The following CDH8 variants were observed in gnomAD, a reference collection of about 807,000 sequenced individuals.
CDH8 encodes cadherin-8.
In CDH8, 17 loss-of-function variants were observed where a neutral mutation model predicts 68.1. The observed-to-expected ratio is 0.25, with a 90% CI of 0.17 to 0.37. The LOEUF is 0.37. CDH8 is among the 10% of genes least tolerant of loss of function. CDH8 has a pLI of 1.00. For synonymous variants in CDH8, 372 were observed against 365.1 expected, an observed-to-expected ratio of 1.02 and a Z score of -0.21; for missense variants, 763 against 999.3, an observed-to-expected ratio of 0.76 and a Z score of 3.19.
At chr16:61,869,983 A>G (rs1047615338) in intron 3 of CDH8, among the ~76,000 whole-genome samples, 8 of 152,078 alleles carry the variant, frequency 5.3e-5, no homozygotes, top group Non-Finnish European at 1.2e-4. Context: ...CAGCTGCGAC[A>G]TTTTTCTTTT....
At chr16:61,816,071 T>A (rs550322379) in intron 7 of CDH8, among the ~76,000 whole-genome samples, 23 of 152,274 alleles carry the variant, frequency 1.5e-4, no homozygotes, top group African/African-American at 5.5e-4. Context: ...GTGAAATTTC[T>A]TTAGAACTGA....
Position 61,653,437 on chromosome 16 carries a change from T to C in CDH8, c.*171A>G, listed in dbSNP as rs998659159. ...AGATTTATAACCTCCTAACATATACTTTTTTATTTTATTATCTTTTTTTGG... is the reference window on the plus strand; with the variant it reads ...AGATTTATAACCTCCTAACATATACCTTTTTATTTTATTATCTTTTTTTGG... On this transcript the variant is annotated 3_prime_UTR_variant, in exon 12 of 12. Transcript: ENST00000577390. The C allele has an allele frequency of 7.1e-7, 1 of 1,414,740 alleles. No individual in the cohort carries two copies. The highest frequency in any genetic ancestry group is 9.2e-7 in the Non-Finnish European group (1 of 1,086,110). The allele number at this position is 1,414,740 out of a possible 1,614,324, so 87.6% of individuals were successfully genotyped here. A position where few individuals can be genotyped will look rare whatever the true frequency, so the allele number is the denominator to read the frequency against.
intron 8 of CDH8, among the ~76,000 whole-genome samples, chr16:61,756,340 A>G (rs1288700037): frequency 6.6e-6 from 1 of 152,166 alleles, no homozygotes; most frequent in Non-Finnish European, 1.5e-5. Context: ...CCACTTACAA[A>G]TTTACTTTAT....
intron 10 of CDH8, among the ~76,000 whole-genome samples, chr16:61,708,664 C>G (rs1596886424): frequency 6.6e-6 from 1 of 152,202 alleles, no homozygotes; most frequent in African/African-American, 2.4e-5. Context: ...CCCTTAATTA[C>G]AGTTTAGGTG....
chr16:61,958,002 T>C (rs543623647), intron 2 of CDH8, among the ~76,000 whole-genome samples: 1 of 152,298 alleles, frequency 6.6e-6, no homozygotes, highest in Admixed American at 6.5e-5. Context: ...TAACATACGC[T>C]GCAATATAAA....
chr16:61,982,812 G>A (rs980942476), intron 2 of CDH8, among the ~76,000 whole-genome samples: 1 of 152,076 alleles, frequency 6.6e-6, no homozygotes, highest in African/African-American at 2.4e-5. Flanking sequence ...CAGGAACAGA[G>A]TCTTAAAAAG....
At chr16:61,692,566 GGTTTTTTT>G (rs1436183742) in intron 10 of CDH8, 1 of 124,450 alleles carries the variant, frequency 8.0e-6, no homozygotes, top group Admixed American at 7.8e-5. Context: ...GAGAGTTGTG[GGTTTTTTT>G]TTTTTCATTT....
At chr16:61,768,326 CTCTCTCTCTCTCTCTCTCTCTCTCT>C (rs1567461091) in intron 8 of CDH8, among the ~76,000 whole-genome samples, 2 of 90,080 alleles carry the variant, frequency 2.2e-5, no homozygotes, top group African/African-American at 8.8e-5. Context: ...CTCTCTCTCT[CTCTCTCTCTCTCTCTCTCTCTCTCT>C]CTCTCTCTCT....
At chr16:61,875,738 A>G (rs1023286939) in intron 3 of CDH8, among the ~76,000 whole-genome samples, 1 of 152,202 alleles carries the variant, frequency 6.6e-6, no homozygotes, top group African/African-American at 2.4e-5. Context: ...AACTTTTAAT[A>G]TGTGTTACAT....
At chr16:61,799,361 G>A (rs1342441125) in intron 7 of CDH8, among the ~76,000 whole-genome samples, 1 of 152,126 alleles carries the variant, frequency 6.6e-6, no homozygotes, top group Non-Finnish European at 1.5e-5. Flanking sequence ...ACCAGATCCA[G>A]TACTCATATT....
At position 61,901,296 on chromosome 16, in the gene CDH8, T is replaced by G; in HGVS notation, c.430A>C (p.Ser144Arg). 6.2e-7 allele frequency: 1 copy of G among 1,614,072 alleles called. No homozygotes were observed. The highest frequency in any genetic ancestry group is 8.5e-7 in the Non-Finnish European group (1 of 1,179,980). Residue 144 changes from serine (S) to arginine (R), a missense_variant, in exon 3 of 12, where the codon AGC becomes CGC. Around this residue, in one of 2 missense-constraint regions of CDH8, gnomAD observed 366 missense variants for 563.1 expected, o/e 0.65. Coordinates refer to ENST00000577390, the MANE Select transcript of CDH8 (RefSeq NM_001796.5). The stretch of plus-strand genomic sequence containing the variant: ...TCAGAAGGAGGCTCCAGAGGTTTGC[T>G]TGTCTCCCAGTCCACTGCTTGAGCT... ...LTAQAVDWET[S>R]KPLEPPSEFI...
chr16:61,956,176 T>C (rs1254920661), intron 2 of CDH8, among the ~76,000 whole-genome samples: 6 of 152,186 alleles, frequency 3.9e-5, no homozygotes, highest in Non-Finnish European at 8.8e-5. Flanking sequence ...CAAAAATTTG[T>C]ATACACACAC....
intron 4 of CDH8, among the ~76,000 whole-genome samples, chr16:61,833,482 T>C (rs1962506431): frequency 1.3e-5 from 2 of 151,866 alleles, no homozygotes; most frequent in Admixed American, 1.3e-4. Flanking sequence ...ATGCTATTTT[T>C]AAAATTAGAA....
At chr16:61,848,400 G>A (rs921349731) in intron 4 of CDH8, among the ~76,000 whole-genome samples, 1 of 152,196 alleles carries the variant, frequency 6.6e-6, no homozygotes, top group African/African-American at 2.4e-5. Flanking sequence ...ACACTGGAAA[G>A]CTCCTTGTGA....
In CDH8 at chr16:61,959,225, C is replaced by T. The variant is rs532258476; in HGVS notation, c.253-57752G>A. Among the ~76,000 whole-genome samples the T allele has an allele frequency of 3.3e-5, 5 of 152,226 alleles. No individual in the cohort carries two copies. The East Asian group carries it at 7.7e-4, about 24-fold the overall frequency. ...GGCCAGGCTCTACTATACTTATTCA[C>T]CTGCCTGGCTGCAGAATTAACTATA... On this transcript the variant is annotated intron_variant, in intron 2 of 11. Transcript: ENST00000577390.
At chr16:61,822,205 C>CTTTTTTTTTTTTTGTTTTTTT (rs1962230909) in intron 5 of CDH8, among the ~76,000 whole-genome samples, 1 of 45,630 alleles carries the variant, frequency 2.2e-5, no homozygotes, top group African/African-American at 1.1e-4. Flanking sequence ...AAAAACGCAC[C>CTTTTTTTTTTTTTGTTTTTTT]TTTTTTTTTT....
In CDH8 at chr16:61,664,753, T is replaced by G. The variant is rs140276406; in HGVS notation, c.1655-9032A>C. Among the ~76,000 whole-genome samples, 277 of 152,114 alleles carry G rather than the reference T, an allele frequency of 1.8e-3. 1 individual carries two copies. The highest frequency in any genetic ancestry group is 6.2e-3 in the African/African-American group (257 of 41,534). ...TATTAAAATATTGAGAATACCATCA[T>G]GTTAAAGAGGTGCATACCAGAATTC... On this transcript the variant is annotated intron_variant, in intron 10 of 11. Transcript: ENST00000577390.
At chr16:61,839,637 A>G (rs1962642338) in intron 4 of CDH8, among the ~76,000 whole-genome samples, 1 of 152,116 alleles carries the variant, frequency 6.6e-6, no homozygotes, top group Non-Finnish European at 1.5e-5. Flanking sequence ...CACAGCAGGG[A>G]AAGAGAAGTG....
At chr16:61,842,897 C>T (rs1962718757) in intron 4 of CDH8, among the ~76,000 whole-genome samples, 1 of 152,064 alleles carries the variant, frequency 6.6e-6, no homozygotes, top group Non-Finnish European at 1.5e-5. Flanking sequence ...GAAATGGTTG[C>T]ATGGAAAAAT....
Sources: gnomAD v4.1 joint callset for allele counts (sites outside exome capture counted in the v4.1 genomes callset) on GRCh38, gnomAD v4.1.1 for gene constraint, gnomAD v4.1.1 regional missense constraint, MANE v1.5 for transcripts, NCBI Gene and HGNC (gene_info 2026-07-23, HGNC 2026-07-21) for gene names.